The following CHRM5 variants were observed in gnomAD, a reference collection of about 807,000 sequenced individuals.
The protein encoded by CHRM5 is muscarinic acetylcholine receptor M5.
Under a neutral mutation model 39.0 loss-of-function variants are expected in CHRM5, and 18 were observed. The ratio of observed to expected loss-of-function variants is 0.46; its 90% confidence interval spans 0.32 to 0.68. The LOEUF is 0.68. CHRM5 is among the 30% of genes least tolerant of loss of function. CHRM5 has a pLI of 0.04. For synonymous variants in CHRM5, 241 were observed against 246.3 expected (o/e 0.98, Z 0.20); for missense variants, 515 against 651.1 (o/e 0.79, Z 2.28).
chr15:34,043,945 A>G (rs1184470396), intron 1 of CHRM5, among the ~76,000 whole-genome samples: 1 of 152,064 alleles, frequency 6.6e-6, no homozygotes, highest in Non-Finnish European at 1.5e-5. Flanking sequence ...CAAGGCCTCT[A>G]TTACTGCACT....
chr15:34,047,022 C>G (rs1437933755), intron 2 of CHRM5, among the ~76,000 whole-genome samples, 151 bp downstream of exon 2: 2 of 152,008 alleles, frequency 1.3e-5, no homozygotes, highest in Non-Finnish European at 2.9e-5. Context: ...AGCAGCCGCT[C>G]AGGCACAAAC....
At chr15:34,014,394 A>AAAAAAC (rs1897785921) in intron 1 of CHRM5, among the ~76,000 whole-genome samples, 1 of 125,534 alleles carries the variant, frequency 8.0e-6, no homozygotes, top group African/African-American at 2.7e-5. Context: ...ACAAAAACAA[A>AAAAAAC]AACCACGTTT....
intron 1 of CHRM5, among the ~76,000 whole-genome samples, chr15:34,027,311 T>G (rs1271575978): frequency 6.6e-6 from 1 of 151,750 alleles, no homozygotes; most frequent in African/African-American, 2.4e-5. Flanking sequence ...GGTCAGGAGT[T>G]CAAAACCAGC....
chr15:34,061,908 TACC>T (rs1900345924), intron 2 of CHRM5, among the ~76,000 whole-genome samples: 1 of 152,206 alleles, frequency 6.6e-6, no homozygotes, highest in Non-Finnish European at 1.5e-5. Flanking sequence ...ATAGAATAGA[TACC>T]ACTTTTTCCC....
intron 2 of CHRM5, among the ~76,000 whole-genome samples, chr15:34,054,358 A>G (rs915607865): frequency 3.3e-5 from 5 of 152,194 alleles, no homozygotes; most frequent in Admixed American, 1.3e-4. Flanking sequence ...AAATCATTCT[A>G]TCATAAAGAT....
chr15:33,970,852 T>C (rs935041979), intron 1 of CHRM5, among the ~76,000 whole-genome samples: 1 of 151,996 alleles, frequency 6.6e-6, no homozygotes, highest in African/African-American at 2.4e-5. Flanking sequence ...ATAACTCACC[T>C]TCTAATGACA....
chr15:34,039,010 G>A, intron 1 of CHRM5: 3 of 1,120,832 alleles, frequency 2.7e-6, no homozygotes, highest in Admixed American at 4.7e-5. Context: ...CCTGGCCGCC[G>A]CCCACGGCCT....
intron 2 of CHRM5, among the ~76,000 whole-genome samples, chr15:34,057,192 C>T (rs946382754): frequency 1.3e-5 from 2 of 148,910 alleles, no homozygotes; most frequent in East Asian, 2.0e-4. Context: ...GGAGTGCAGT[C>T]GCATGATCTT....
chr15:34,039,973 T>G (rs767455400), intron 1 of CHRM5, among the ~76,000 whole-genome samples: 1 of 152,192 alleles, frequency 6.6e-6, no homozygotes, highest in Non-Finnish European at 1.5e-5. Flanking sequence ...TGAAAGCAGT[T>G]TTTAACTTGG....
At chr15:34,030,762 G>A (rs937237287) in intron 1 of CHRM5, among the ~76,000 whole-genome samples, 1 of 152,002 alleles carries the variant, frequency 6.6e-6, no homozygotes, top group South Asian at 2.1e-4. Context: ...GAATACAGGC[G>A]TGCACCACCG....
At chr15:34,006,623 G>A (rs1897356158) in intron 1 of CHRM5, among the ~76,000 whole-genome samples, 2 of 152,284 alleles carry the variant, frequency 1.3e-5, no homozygotes, top group African/African-American at 2.4e-5. Flanking sequence ...GACCTAAACC[G>A]AATTAATGGT....
intron 1 of CHRM5, among the ~76,000 whole-genome samples, chr15:34,004,202 A>G (rs1897244017): frequency 6.6e-6 from 1 of 152,240 alleles, no homozygotes; most frequent in African/African-American, 2.4e-5. Flanking sequence ...AGTTCCCTGT[A>G]TTACAACTGA....
intron 1 of CHRM5, among the ~76,000 whole-genome samples, chr15:33,979,192 T>C (rs1896025729): frequency 6.6e-6 from 1 of 152,020 alleles, no homozygotes; most frequent in Non-Finnish European, 1.5e-5. Flanking sequence ...AAAATAAAAA[T>C]TGGAATTTAA....
At chr15:33,982,685 T>C (rs1896207092) in intron 1 of CHRM5, among the ~76,000 whole-genome samples, 2 of 152,230 alleles carry the variant, frequency 1.3e-5, no homozygotes, top group Non-Finnish European at 2.9e-5. Flanking sequence ...TTGTTTAGGT[T>C]ATGGCATTTC....
intron 1 of CHRM5, among the ~76,000 whole-genome samples, chr15:34,038,573 A>G (rs1385737243): frequency 6.7e-6 from 1 of 150,338 alleles, no homozygotes; most frequent in Non-Finnish European, 1.5e-5. Flanking sequence ...CCCGGCCAGG[A>G]GGCCACGAGG....
intron 1 of CHRM5, among the ~76,000 whole-genome samples, chr15:33,990,252 C>T (rs1416554539): frequency 2.7e-5 from 4 of 149,432 alleles, no homozygotes; most frequent in African/African-American, 5.0e-5. Flanking sequence ...CGTTGAGGTG[C>T]GTGCCTATAG....
intron 1 of CHRM5, among the ~76,000 whole-genome samples, chr15:33,995,868 G>A (rs188053089): frequency 3.0e-3 from 463 of 152,354 alleles, no homozygotes; most frequent in African/African-American, 0.01. Flanking sequence ...GAGCTGAAGC[G>A]GGGCGGGGCG....
At chr15:34,018,099 A>G (rs1357655915) in intron 1 of CHRM5, 1 of 152,260 alleles carries the variant, frequency 6.6e-6, no homozygotes, top group Non-Finnish European at 1.5e-5. Flanking sequence ...GAGTACAGTC[A>G]TTCTACTTAC....
intron 1 of CHRM5, among the ~76,000 whole-genome samples, chr15:34,017,694 G>C (rs1898000381): frequency 6.6e-6 from 1 of 152,018 alleles, no homozygotes; most frequent in Non-Finnish European, 1.5e-5. Context: ...TGGCCAGGCA[G>C]GTCTCGAACT....
Sources: allele counts gnomAD v4.1 joint callset (sites outside exome capture counted in the v4.1 genomes callset), GRCh38; gene constraint gnomAD v4.1.1; transcripts MANE v1.5; gene names NCBI Gene and HGNC (gene_info 2026-07-23, HGNC 2026-07-21).